The following ANKRD6 variants were observed in gnomAD, a reference collection of about 807,000 sequenced individuals.
The protein encoded by ANKRD6 is ankyrin repeat domain 6, also known as ankyrin repeat domain-containing protein 6.
ANKRD6 carries 56 observed loss-of-function variants against 82.3 expected under a neutral mutation model. That is an observed-to-expected ratio of 0.68 (90% CI 0.55 to 0.85). The LOEUF (loss-of-function observed/expected upper bound fraction) is 0.85. Ranked by LOEUF, ANKRD6 falls within the 40% of genes least tolerant of loss-of-function variation. ANKRD6 has a pLI of 0.00. For missense variants in ANKRD6, 852 were observed against 907.6 expected (o/e 0.94, Z 0.79); for synonymous variants, 347 against 352.1 (o/e 0.99, Z 0.16).
In ANKRD6 at chr6:89,433,779, G is replaced by A. The variant is rs1182831441; in HGVS notation, c.-144+404G>A. Reference sequence around the variant, plus strand: ...GAGGGTAGGTCCCTGGCCTGCGGCCGCCTCCGAATGACCCCGTCCCTCCCC... The same window carrying A: ...GAGGGTAGGTCCCTGGCCTGCGGCCACCTCCGAATGACCCCGTCCCTCCCC... On this transcript the variant is annotated intron_variant, in intron 1 of 15. Coordinates refer to ENST00000339746, the MANE Select transcript of ANKRD6 (RefSeq NM_001242809.2). The surrounding 1 kb of genome is among the most constrained non-coding windows in gnomAD (Gnocchi z 4.3). Among the ~76,000 whole-genome samples the A allele has an allele frequency of 6.6e-6, 1 of 152,218 alleles. No homozygotes were observed. The highest frequency in any genetic ancestry group is 1.5e-5 in the Non-Finnish European group (1 of 68,032).
At chr6:89,579,756 CAAAAAAA>C (rs61159223) in intron 2 of ANKRD6, among the ~76,000 whole-genome samples, 2 of 68,508 alleles carry the variant, frequency 2.9e-5, no homozygotes, top group Non-Finnish European at 4.9e-5. Flanking sequence ...GACCCTGTCT[CAAAAAAA>C]AAAAAAAAAA....
At chr6:89,534,594 C>T (rs1783599654) in intron 1 of ANKRD6, among the ~76,000 whole-genome samples, 1 of 152,114 alleles carries the variant, frequency 6.6e-6, no homozygotes, top group Non-Finnish European at 1.5e-5. Flanking sequence ...TAGACCTCTC[C>T]TATCTACTCA....
At chr6:89,515,845 C>T (rs1472349850) in intron 1 of ANKRD6, among the ~76,000 whole-genome samples, 1 of 152,170 alleles carries the variant, frequency 6.6e-6, no homozygotes. Context: ...AGTGCAATCA[C>T]ATATATCCTT....
At chr6:89,553,152 T>C (rs1189732419) in intron 1 of ANKRD6, among the ~76,000 whole-genome samples, 2 of 152,174 alleles carry the variant, frequency 1.3e-5, no homozygotes, top group African/African-American at 4.8e-5. Context: ...GTATCTGGAA[T>C]AATCTAGCAT....
intron 2 of ANKRD6, among the ~76,000 whole-genome samples, chr6:89,588,530 G>A (rs1395898477): frequency 2.0e-5 from 3 of 152,132 alleles, no homozygotes; most frequent in Non-Finnish European, 2.9e-5. Flanking sequence ...CCTTGTCTGG[G>A]TCACAGCATG....
intron 1 of ANKRD6, among the ~76,000 whole-genome samples, chr6:89,520,904 T>C (rs1014883360): frequency 6.6e-6 from 1 of 152,078 alleles, no homozygotes; most frequent in Non-Finnish European, 1.5e-5. Flanking sequence ...GGGAGGATCA[T>C]TTGAGCTTGG....
intron 12 of ANKRD6, among the ~76,000 whole-genome samples, chr6:89,624,282 C>T (rs1202610774): frequency 6.6e-6 from 1 of 152,172 alleles, no homozygotes; most frequent in Non-Finnish European, 1.5e-5. Flanking sequence ...GCACAATCCT[C>T]AGGTGACTAG....
intron 1 of ANKRD6, among the ~76,000 whole-genome samples, chr6:89,514,105 C>T (rs566008402): frequency 5.3e-5 from 8 of 152,258 alleles, no homozygotes; most frequent in South Asian, 2.1e-4. Context: ...GGGCCGGGTG[C>T]GGTAGATCAT....
Position 89,630,494 on chromosome 6 carries a change from G to C in ANKRD6, c.1674G>C (p.Val558=). ...CAGCTTCCGACAGCTCCCCTCCAGTGGTTAGGCCCAAAGAGAAGGCCCTCA... is the reference window on the plus strand; with the variant it reads ...CAGCTTCCGACAGCTCCCCTCCAGTCGTTAGGCCCAAAGAGAAGGCCCTCA... ...PAAASDSSPP[V]VRPKEKALNS... The change falls in exon 16 of 16, where the codon GTG becomes GTC. Residue 558 remains valine, a synonymous_variant. Transcript: ENST00000339746. The C allele has an allele frequency of 6.2e-7, 1 of 1,614,012 alleles. No individual in the cohort carries two copies. The highest frequency in any genetic ancestry group is 8.5e-7 in the Non-Finnish European group (1 of 1,179,872).
chr6:89,605,120 C>T (rs1281563158), intron 4 of ANKRD6, among the ~76,000 whole-genome samples: 1 of 152,220 alleles, frequency 6.6e-6, no homozygotes, highest in Non-Finnish European at 1.5e-5. Context: ...GGCACGGTGG[C>T]TCACGCCTGT....
At chr6:89,450,459 A>G (rs1188318701) in intron 1 of ANKRD6, among the ~76,000 whole-genome samples, 1 of 152,210 alleles carries the variant, frequency 6.6e-6, no homozygotes, top group Non-Finnish European at 1.5e-5. Context: ...TAGCAAAAAC[A>G]TTATGACCTA....
chr6:89,556,071 G>T (rs1052966536), intron 1 of ANKRD6, among the ~76,000 whole-genome samples: 1 of 152,188 alleles, frequency 6.6e-6, no homozygotes, highest in Non-Finnish European at 1.5e-5. Context: ...ATAGATAAAG[G>T]CACCATAGAC....
chr6:89,538,800 A>T (rs545581018), intron 1 of ANKRD6, among the ~76,000 whole-genome samples: 240 of 145,908 alleles, frequency 1.6e-3, no homozygotes, highest in Non-Finnish European at 2.9e-3. Context: ...CTTTTTCTTT[A>T]AAAAAAAAAT....
In ANKRD6 at chr6:89,603,885, C is replaced by T. The variant is rs576960622; in HGVS notation, c.318+758C>T. Among the ~76,000 whole-genome samples, 3 of 152,278 alleles carry T rather than the reference C, an allele frequency of 2.0e-5. No homozygotes were observed. In the East Asian group the frequency reaches 5.8e-4, roughly 29 times the overall value. ...GCGTGGTAGTGTACACACCTGTAGT[C>T]CCAGCTACTCAGGAAGCTGAGATGG... On this transcript the variant is annotated intron_variant, in intron 4 of 15. Transcript: ENST00000339746.
chr6:89,530,545 G>A (rs1783018632), intron 1 of ANKRD6, among the ~76,000 whole-genome samples: 1 of 152,162 alleles, frequency 6.6e-6, no homozygotes, highest in Non-Finnish European at 1.5e-5. Flanking sequence ...TGTTTCAGTG[G>A]CAACTGGGAG....
intron 1 of ANKRD6, among the ~76,000 whole-genome samples, chr6:89,473,377 T>G (rs1024500941): frequency 2.7e-5 from 4 of 150,178 alleles, no homozygotes; most frequent in Non-Finnish European, 4.4e-5. Context: ...CACTCCAGCC[T>G]GGGCGATAGA....
At chr6:89,471,359 C>CAA (rs568718441) in intron 1 of ANKRD6, among the ~76,000 whole-genome samples, 166 of 57,080 alleles carry the variant, frequency 2.9e-3, no homozygotes, top group African/African-American at 9.5e-3. Flanking sequence ...ACAACAACAA[C>CAA]AAAAAAAAAA....
chr6:89,530,344 C>G (rs943919155), intron 1 of ANKRD6, among the ~76,000 whole-genome samples: 7 of 151,616 alleles, frequency 4.6e-5, no homozygotes, highest in Non-Finnish European at 1.0e-4. Context: ...AAAAATGGTG[C>G]TGATACGACT....
At chr6:89,557,635 C>A (rs1212160828) in intron 1 of ANKRD6, among the ~76,000 whole-genome samples, 1 of 152,178 alleles carries the variant, frequency 6.6e-6, no homozygotes, top group African/African-American at 2.4e-5. Context: ...AACCCCCAGA[C>A]CGTGGACCAG....
Sources: gnomAD v4.1 joint callset for allele counts (sites outside exome capture counted in the v4.1 genomes callset) on GRCh38, gnomAD v4.1.1 for gene constraint, Gnocchi (gnomAD v3.1) non-coding constraint, MANE v1.5 for transcripts, NCBI Gene and HGNC (gene_info 2026-07-23, HGNC 2026-07-21) for gene names.